Variants in ZFHX3 observed in about 807,000 individuals in gnomAD.
ZFHX3 encodes the protein zinc finger homeobox protein 3.
Under a neutral mutation model 279.1 loss-of-function variants are expected in ZFHX3, and 42 were observed. That is an observed-to-expected ratio of 0.15 (90% CI 0.12 to 0.19). The LOEUF (loss-of-function observed/expected upper bound fraction) is 0.19, where lower values mean the gene tolerates loss of function less well. ZFHX3 is among the 10% of genes least tolerant of loss of function. The pLI, the probability that ZFHX3 is intolerant of heterozygous loss-of-function variation, is 1.00. For missense variants in ZFHX3, 4,981 were observed against 4,754.0 expected, an observed-to-expected ratio of 1.05 and a Z score of -1.40; for synonymous variants, 2,293 against 1,957.8, an observed-to-expected ratio of 1.17 and a Z score of -4.52.
chr16:72,789,017 C>A (rs2035587572), intron 9 of ZFHX3, 169 bp from the exon 10 acceptor site: 1 of 968,682 alleles, frequency 1.0e-6, no homozygotes, highest in South Asian at 2.4e-5. Flanking sequence ...CAGGGCTGGA[C>A]AACCTTGTAT....
Position 73,056,198 on chromosome 16 carries a change from G to A in ZFHX3, c.-24+2332C>T, listed in dbSNP as rs139083516. Among the ~76,000 whole-genome samples the A allele has an allele frequency of 2.4e-4, 36 of 152,178 alleles. 1 individual carries two copies. The East Asian group carries it at 6.8e-3, about 29-fold the overall frequency. On this transcript the variant is annotated intron_variant, in intron 1 of 8. Transcript: ENST00000397992. ...ACGAAATCCTCTTCGTACACCATTTGCTAGACTATTTCAAAATCATCTCCA... is the reference window on the plus strand; with the variant it reads ...ACGAAATCCTCTTCGTACACCATTTACTAGACTATTTCAAAATCATCTCCA...
At chr16:73,052,678 A>T (rs1249292358), upstream of ZFHX3, among the ~76,000 whole-genome samples, 1 of 152,218 alleles carries the variant, frequency 6.6e-6, no homozygotes, top group Admixed American at 6.5e-5. Context: ...TCTGCAGACA[A>T]ATAGAAACTG....
intron 7 of ZFHX3, chr16:73,127,740 G>C: frequency 1.5e-6 from 1 of 685,040 alleles, no homozygotes; most frequent in Non-Finnish European, 2.1e-6. Flanking sequence ...TGCAGAGAAA[G>C]TTGGACAATG....
intron 2 of ZFHX3, among the ~76,000 whole-genome samples, chr16:73,583,338 C>G (rs1326506457): frequency 6.6e-6 from 1 of 151,984 alleles, no homozygotes; most frequent in East Asian, 1.9e-4. Context: ...ACCTGTGGTA[C>G]TAAGAAGGAA....
chr16:73,687,720 T>G (rs2053104162), intron 1 of ZFHX3, among the ~76,000 whole-genome samples: 1 of 151,686 alleles, frequency 6.6e-6, no homozygotes, highest in African/African-American at 2.4e-5. Flanking sequence ...CACATGCACA[T>G]GCCTGTAGTC....
At chr16:72,907,502 C>CCAG (rs2039206270) in intron 3 of ZFHX3, among the ~76,000 whole-genome samples, 1 of 151,258 alleles carries the variant, frequency 6.6e-6, no homozygotes, top group Non-Finnish European at 1.5e-5. Flanking sequence ...CTGTCTCCAG[C>CCAG]CAGCAGCTCT....
At chr16:73,723,776 G>A (rs1212819513) in intron 1 of ZFHX3, among the ~76,000 whole-genome samples, 1 of 152,114 alleles carries the variant, frequency 6.6e-6, no homozygotes, top group Non-Finnish European at 1.5e-5. Flanking sequence ...GGATAAACTG[G>A]CTGAATTAAA....
At chr16:73,599,804 A>T (rs1393127282) in intron 2 of ZFHX3, among the ~76,000 whole-genome samples, 1 of 151,654 alleles carries the variant, frequency 6.6e-6, no homozygotes, top group African/African-American at 2.4e-5. Context: ...GTATAATGAG[A>T]CTCACTTCCA....
At position 73,242,457 on chromosome 16, in the gene ZFHX3, G is replaced by A. The variant is rs567185755; in HGVS notation, c.-1104+14590C>T. On this transcript the variant is annotated intron_variant, in intron 5 of 17. Transcript: ENST00000641206. ...ATCAGCCAAGTTAGAATTTTTTAGAGCAGGAACCACTGAGTGTGAGTTTTT... is the reference window on the plus strand; with the variant it reads ...ATCAGCCAAGTTAGAATTTTTTAGAACAGGAACCACTGAGTGTGAGTTTTT... Among the ~76,000 whole-genome samples the A allele has an allele frequency of 2.0e-4, 30 of 152,276 alleles. 1 individual carries two copies. The highest frequency in any genetic ancestry group is 5.2e-4 in the Admixed American group (8 of 15,292).
In ZFHX3 at chr16:73,471,214, A is replaced by G. The variant is rs559324227; in HGVS notation, c.-1546-14956T>C. 9.2e-5 allele frequency among the ~76,000 whole-genome samples: 14 copies of G among 152,338 alleles called. No homozygotes were observed. In the South Asian group the frequency reaches 2.7e-3, roughly 29 times the overall value. ...TGCTCTTAGGATGTGTAACTGGTAC[A>G]GCTTTTGCTCTTGGGCTGTTTTTAC... On this transcript the variant is annotated intron_variant, in intron 2 of 17. Transcript: ENST00000641206.
chr16:72,897,191 C>T (rs540071166), intron 3 of ZFHX3, among the ~76,000 whole-genome samples: 10 of 152,338 alleles, frequency 6.6e-5, no homozygotes, highest in South Asian at 2.1e-4. Flanking sequence ...GAAGAAGCTG[C>T]CCGTTACAGC....
chr16:73,239,096 T>C (rs534897816), intron 5 of ZFHX3, among the ~76,000 whole-genome samples: 1 of 152,278 alleles, frequency 6.6e-6, no homozygotes, highest in South Asian at 2.1e-4. Flanking sequence ...CCAGCACAGA[T>C]CCCAAAATAA....
chr16:73,280,257 C>A (rs1049070767), intron 4 of ZFHX3, among the ~76,000 whole-genome samples: 4 of 152,086 alleles, frequency 2.6e-5, no homozygotes, highest in African/African-American at 7.2e-5. Flanking sequence ...AAGTGGGACT[C>A]TATCAAACTA....
chr16:73,796,238 C>T (rs771524113), intron 1 of ZFHX3, among the ~76,000 whole-genome samples: 1 of 152,150 alleles, frequency 6.6e-6, no homozygotes, highest in African/African-American at 2.4e-5. Context: ...TTTTGCACAG[C>T]CACTGCCAAT....
At chr16:73,413,857 T>A (rs771713520) in intron 3 of ZFHX3, among the ~76,000 whole-genome samples, 5 of 152,186 alleles carry the variant, frequency 3.3e-5, no homozygotes, top group Non-Finnish European at 7.4e-5. Context: ...CAAGTAAAAA[T>A]GCTCTGCATA....
Position 73,580,343 on chromosome 16 carries a change from C to T in ZFHX3, c.-1547+99837G>A, listed in dbSNP as rs190455615. Among the ~76,000 whole-genome samples the T allele has an allele frequency of 4.9e-3, 744 of 151,818 alleles. 5 individuals carry two copies. The highest frequency in any genetic ancestry group is 0.01 in the Middle Eastern group (3 of 292). ...AAATACAAAAATTAGCTGGGTGCGG[C>T]GGCGCACGCCTGTAGTCCCAACTGC... is the stretch of plus-strand genomic sequence containing the variant. On this transcript the variant is annotated intron_variant, in intron 2 of 17. Transcript: ENST00000641206.
chr16:73,744,467 C>T (rs114845541), intron 1 of ZFHX3, among the ~76,000 whole-genome samples: 3,105 of 152,268 alleles, frequency 0.02, 57 homozygotes, highest in African/African-American at 0.043. Context: ...CCTGCCTCAC[C>T]CTGGTATTTC....
At chr16:73,820,143 G>A (rs1378855928) in intron 1 of ZFHX3, among the ~76,000 whole-genome samples, 1 of 152,120 alleles carries the variant, frequency 6.6e-6, no homozygotes, top group Non-Finnish European at 1.5e-5. Context: ...AGGCTGGAGT[G>A]CAGTGGCACA....
intron 5 of ZFHX3, among the ~76,000 whole-genome samples, chr16:73,228,939 G>A (rs1260100194): frequency 6.6e-6 from 1 of 152,108 alleles, no homozygotes; most frequent in Non-Finnish European, 1.5e-5. Flanking sequence ...GTCCCTGCCT[G>A]CTATTTTAGG....
Sources: gnomAD v4.1 joint callset for allele counts (sites outside exome capture counted in the v4.1 genomes callset) on GRCh38, gnomAD v4.1.1 for gene constraint, MANE v1.5 for transcripts, NCBI Gene and HGNC (gene_info 2026-07-23, HGNC 2026-07-21) for gene names.